DUOX2: variants seen among roughly 807,000 people sequenced by gnomAD.
The protein encoded by DUOX2 is dual oxidase 2.
A neutral mutation model predicts 183.3 loss-of-function variants in DUOX2; 185 were observed. That is an observed-to-expected ratio of 1.01 (90% CI 0.90 to 1.14). The LOEUF (loss-of-function observed/expected upper bound fraction) is 1.14. DUOX2 is among the 50% of genes most tolerant of loss of function. The probability of loss-of-function intolerance (pLI) is 0.00; values close to 1 mark genes in which losing one functional copy is unlikely to be tolerated. For synonymous variants in DUOX2, 788 were observed against 812.4 expected (o/e 0.97, Z 0.51); for missense variants, 1,999 against 2,022.9 (o/e 0.99, Z 0.23).
In DUOX2 at chr15:45,110,052, G is replaced by C. The variant is rs1478276482; in HGVS notation, c.1041-72C>G. 5 of 1,357,802 alleles carry C rather than the reference G, an allele frequency of 3.7e-6. No individual in the cohort carries two copies. The Admixed American group carries it at 5.1e-5, about 14-fold the overall frequency. The allele number at this position is 1,357,802 out of a possible 1,614,324, so 84.1% of individuals were successfully genotyped here. The stretch of plus-strand genomic sequence containing the variant: ...CAAAGATGGGGTTGAGTGGGCTGAG[G>C]GACTCAGTGGGGGTTCACTAGGATT... On this transcript the variant is annotated intron_variant, in intron 9 of 33. Coordinates refer to ENST00000389039, the MANE Select transcript of DUOX2 (RefSeq NM_001363711.2).
At chr15:45,112,760 C>T (rs1160893058) in intron 3 of DUOX2, 42 bp from the exon 4 acceptor site, 1 of 1,607,188 alleles carries the variant, frequency 6.2e-7, no homozygotes, top group South Asian at 1.1e-5. Flanking sequence ...GCACTCCATC[C>T]CCTAGGATCC....
intron 16 of DUOX2, 45 bp downstream of exon 16, chr15:45,106,483 C>CCCCTCCTCCGT: frequency 6.2e-7 from 1 of 1,605,558 alleles, no homozygotes; most frequent in Non-Finnish European, 8.5e-7. Context: ...TCCTGTCTCT[C>CCCCTCCTCCGT]CCCTCCTCCG....
chr15:45,104,018 T>C lies in DUOX2; in HGVS notation c.2596A>G (p.Met866Val). ...PEDKSRLMFT[M>V]YDLDENGFLS... ...AAGCCATTCTCATCCAGGTCATACATGGTAAACATTAGACGGGACTTATCC... is the reference window on the plus strand; with the variant it reads ...AAGCCATTCTCATCCAGGTCATACACGGTAAACATTAGACGGGACTTATCC... The change falls in exon 20 of 34, where the codon ATG (methionine) becomes GTG (valine). Residue 866 changes from methionine (M) to valine (V), a missense_variant. By Grantham distance (21) the Met-to-Val change is conservative (BLOSUM62 1). Around this residue, in one of 3 missense-constraint regions of DUOX2, gnomAD observed 1,628 missense variants for 1,608.6 expected, o/e 1.01. Transcript: ENST00000389039. 9 of 1,614,092 alleles carry C rather than the reference T, an allele frequency of 5.6e-6. No individual in the cohort carries two copies. Among genetic ancestry groups the C allele is most frequent in the Non-Finnish European group, 6.8e-6 (8 of 1,180,016 alleles).
Position 45,108,040 on chromosome 15 carries a change from G to T in DUOX2, c.1574+7C>A, listed in dbSNP as rs746615827. 4 of 1,613,922 alleles carry T rather than the reference G, an allele frequency of 2.5e-6. No homozygotes were observed. Among genetic ancestry groups the T allele is most frequent in the African/African-American group, 1.3e-5 (1 of 74,976 alleles). ...CAGTCTGAGGTGGGGGCCCAGGCAA[G>T]CCTTACCCATTCCTGGTGTTCTCAA... On this transcript the variant is annotated splice_region_variant and intron_variant, in intron 13 of 33. Coordinates refer to ENST00000389039, the MANE Select transcript of DUOX2 (RefSeq NM_001363711.2).
chr15:45,093,859 G>T lies in DUOX2; in HGVS notation c.*291C>A, dbSNP rs966862748. ...TTATCTTCTTTGGGAGATCCTGACT[G>T]GTTGCGCACTTGCTAAGGGCAGGAA... On this transcript the variant is annotated 3_prime_UTR_variant, in exon 34 of 34. Transcript: ENST00000389039. 4.7e-5 allele frequency: 20 copies of T among 423,430 alleles called. No individual in the cohort carries two copies. Among genetic ancestry groups the T allele is most frequent in the Middle Eastern group, 1.4e-3 (2 of 1,416 alleles). The allele number at this position is 423,430 out of a possible 1,614,324, so 26.2% of individuals were successfully genotyped here. A position where few individuals can be genotyped will look rare whatever the true frequency, so the allele number is the denominator to read the frequency against.
In DUOX2 at chr15:45,101,227, TGAAC is replaced by T. The variant is rs530719719; in HGVS notation, c.2895_2898del (p.Phe966SerfsTer29). 4,581 of 1,613,794 alleles carry T rather than the reference TGAAC, an allele frequency of 2.8e-3. 14 individuals carry two copies. Among genetic ancestry groups the T allele is most frequent in the Non-Finnish European group, 2.8e-3 (3,314 of 1,179,912 alleles). On this transcript the variant is annotated frameshift_variant, in exon 22 of 34. Coordinates refer to ENST00000389039, the MANE Select transcript of DUOX2 (RefSeq NM_001363711.2). LOFTEE classifies it high-confidence loss of function. ...CACCGCTCCCCAGGTGTCCGAGTGA[TGAAC>T]GAGACTCGACAGCTGATGTTTTGTT...
Position 45,104,070 on chromosome 15 carries a change from G to A in DUOX2, c.2561-17C>T, listed in dbSNP as rs755790630. ...CTGGGGAGCCTGGGAAGAAAAAAGG[G>A]AATGCAGGTCATCTCCTTGCTGAAA... On this transcript the variant is annotated splice_polypyrimidine_tract_variant and intron_variant, in intron 19 of 33. Transcript: ENST00000389039. 3 of 1,614,024 alleles carry A rather than the reference G, an allele frequency of 1.9e-6. No homozygotes were observed. The highest frequency in any genetic ancestry group is 1.3e-5 in the African/African-American group (1 of 74,896).
At position 45,095,469 on chromosome 15, in the gene DUOX2, A is replaced by T. The variant is rs144186721; in HGVS notation, c.4207T>A (p.Ser1403Thr). The T allele has an allele frequency of 2.4e-4, 387 of 1,614,216 alleles. No homozygotes were observed. The African/African-American group carries it at 4.2e-3, about 18-fold the overall frequency. The change falls in exon 31 of 34, where the codon TCA (serine) becomes ACA (threonine). Residue 1403 changes from serine (S) to threonine (T), a missense_variant. This residue lies in a region of DUOX2 where 1,628 missense variants were observed against 1,608.6 expected (regional missense o/e 1.01). Coordinates refer to ENST00000389039, the MANE Select transcript of DUOX2 (RefSeq NM_001363711.2). Reference sequence around the variant, plus strand: ...CACAGCATTTGGCTGCCCAAGGATGACTTGAAGACCAGGTCTTTGAGGATG... The same window carrying T: ...CACAGCATTTGGCTGCCCAAGGATGTCTTGAAGACCAGGTCTTTGAGGATG... Reference protein sequence around the residue: ...ASILKDLVFKSSLGSQMLCKK... With the variant: ...ASILKDLVFKTSLGSQMLCKK...
At position 45,110,385 on chromosome 15, in the gene DUOX2, CCTTT is replaced by C. The variant is rs747468882; in HGVS notation, c.1040+39_1040+42del. On this transcript the variant is annotated intron_variant, in intron 9 of 33. Transcript: ENST00000389039. ...AGCCCCCAAGGCAGCTCATTCTGCA[CCTTT>C]CTTAGTGTGGTGCCCCTCTCTGCCA... The C allele has an allele frequency of 5.7e-6, 9 of 1,574,038 alleles. No individual in the cohort carries two copies. In the East Asian group the frequency reaches 2.0e-4, roughly 35 times the overall value.
rs1342348323 is a variant in DUOX2 at position 45,107,932 on chromosome 15, G to T, written c.1574+115C>A. 3.5e-6 allele frequency: 4 copies of T among 1,132,842 alleles called. No homozygotes were observed. In the South Asian group the frequency reaches 3.7e-5, roughly 11 times the overall value. 70.2% of individuals were successfully genotyped at this position (1,132,842 alleles called of 1,614,324 possible). ...AAGAGAGACCCAGAGGGGTTGGGAA[G>T]GGTGTGGTGGGCTGACTGGGAATCA... is the stretch of plus-strand genomic sequence containing the variant. On this transcript the variant is annotated intron_variant, in intron 13 of 33. Coordinates refer to ENST00000389039, the MANE Select transcript of DUOX2 (RefSeq NM_001363711.2).
intron 27 of DUOX2, 64 bp downstream of exon 27, chr15:45,097,945 C>T (rs1365071897): frequency 1.3e-6 from 2 of 1,571,208 alleles, no homozygotes; most frequent in East Asian, 2.2e-5. Context: ...AGTGAGTATT[C>T]ACAGAGAGAT....
intron 9 of DUOX2, among the ~76,000 whole-genome samples, 157 bp downstream of exon 9, chr15:45,110,271 T>A (rs571969751): frequency 2.8e-4 from 43 of 152,170 alleles, no homozygotes; most frequent in Admixed American, 6.5e-4. Flanking sequence ...CTACTAAGCC[T>A]ACACATCTTA....
rs745333629 is a variant in DUOX2 at position 45,094,911 on chromosome 15, C to T, written c.4395+25G>A. 3 of 1,613,060 alleles carry T rather than the reference C, an allele frequency of 1.9e-6. 1 individual carries two copies. In the South Asian group the frequency reaches 3.3e-5, roughly 18 times the overall value. On this transcript the variant is annotated intron_variant, in intron 32 of 33. Transcript: ENST00000389039. Reference sequence around the variant, plus strand: ...GCCAATCCATCTGCCCGCCAAGTTGCCCTGCCTGGCGGGCCCTGACATACT... The same window carrying T: ...GCCAATCCATCTGCCCGCCAAGTTGTCCTGCCTGGCGGGCCCTGACATACT...
chr15:45,104,573 T>C (rs532079693), intron 18 of DUOX2, among the ~76,000 whole-genome samples: 3 of 152,246 alleles, frequency 2.0e-5, no homozygotes, highest in African/African-American at 4.8e-5. Flanking sequence ...CATTTCTCCC[T>C]GGGCCCAAGA....
Position 45,108,801 on chromosome 15 carries a change from A to T in DUOX2, c.1386T>A (p.Asn462Lys). 6.2e-7 allele frequency: 1 copy of T among 1,614,248 alleles called. No individual in the cohort carries two copies. The change falls in exon 12 of 34, where the codon AAT (asparagine) becomes AAA (lysine). Residue 462 changes from asparagine (N) to lysine (K), a missense_variant. By Grantham distance (94) the Asn-to-Lys change is moderately conservative. This residue lies in a region of DUOX2 where 1,628 missense variants were observed against 1,608.6 expected (regional missense o/e 1.01). Transcript: ENST00000389039. ...IPRNWSDLNP[N>K]VDPQVLEATA... ...TACTATTCCTGACCTGGGGGTCCAC[A>T]TTAGGGTTGAGATCACTCCAGTTCC...
rs1489658830 is a variant in DUOX2 at position 45,099,372 on chromosome 15, C to G, written c.3515+11G>C. ...CTATGAGTCCCAGGAGAAACCATCC[C>G]CAGAACTGACCCATCATTCACAAAG... On this transcript the variant is annotated intron_variant, in intron 26 of 33. Coordinates refer to ENST00000389039, the MANE Select transcript of DUOX2 (RefSeq NM_001363711.2). 6 of 1,612,970 alleles carry G rather than the reference C, an allele frequency of 3.7e-6. No individual in the cohort carries two copies. Among genetic ancestry groups the G allele is most frequent in the Non-Finnish European group, 5.1e-6 (6 of 1,179,174 alleles).
At position 45,097,482 on chromosome 15, in the gene DUOX2, G is replaced by C; in HGVS notation, c.3694-91C>G. On this transcript the variant is annotated intron_variant, in intron 28 of 33. Coordinates refer to ENST00000389039, the MANE Select transcript of DUOX2 (RefSeq NM_001363711.2). ...CCAGGCACTAGGCCTGTGCCGGGGAGATAGGGCTGAGGTCTGGGGTCTTAA... is the reference window on the plus strand; with the variant it reads ...CCAGGCACTAGGCCTGTGCCGGGGACATAGGGCTGAGGTCTGGGGTCTTAA... 4 of 1,612,708 alleles carry C rather than the reference G, an allele frequency of 2.5e-6. No homozygotes were observed. In the South Asian group the frequency reaches 4.4e-5, roughly 18 times the overall value.
At chr15:45,113,141 G>A in intron 2 of DUOX2, 65 bp from the exon 3 acceptor site, 1 of 1,547,774 alleles carries the variant, frequency 6.5e-7, no homozygotes, top group Non-Finnish European at 8.8e-7. Context: ...AGCAACGAAG[G>A]CCTTGGCCAG....
At chr15:45,100,621 C>G (rs774291401) in intron 23 of DUOX2, 134 bp downstream of exon 23, 1 of 843,326 alleles carries the variant, frequency 1.2e-6, no homozygotes, top group Non-Finnish European at 2.1e-6. Context: ...ACTGTAACCT[C>G]TCAGTCAGGT....
Sources: allele counts gnomAD v4.1 joint callset (sites outside exome capture counted in the v4.1 genomes callset), GRCh38; gene constraint gnomAD v4.1.1; regional missense constraint gnomAD v4.1.1; transcripts MANE v1.5; gene names NCBI Gene and HGNC (gene_info 2026-07-23, HGNC 2026-07-21).